The following KCNMA1 variants were observed in gnomAD, a reference collection of about 807,000 sequenced individuals.
The protein encoded by KCNMA1 is Calcium-activated potassium channel subunit alpha-1.
A neutral mutation model predicts 140.0 loss-of-function variants in KCNMA1; 29 were observed. That is an observed-to-expected ratio of 0.21 (90% CI 0.15 to 0.28). The LOEUF (loss-of-function observed/expected upper bound fraction) is 0.28, where lower values mean the gene tolerates loss of function less well. Ranked by LOEUF, KCNMA1 falls within the 10% of genes least tolerant of loss-of-function variation. The pLI, the probability that KCNMA1 is intolerant of heterozygous loss-of-function variation, is 1.00. For synonymous variants in KCNMA1, 612 were observed against 611.9 expected (o/e 1.00, Z 0.00); for missense variants, 880 against 1,602.2 (o/e 0.55, Z 7.70).
At chr10:77,149,102 C>T (rs1228888296) in intron 5 of KCNMA1, among the ~76,000 whole-genome samples, 1 of 152,208 alleles carries the variant, frequency 6.6e-6, no homozygotes, top group East Asian at 1.9e-4. Flanking sequence ...TGGGTATAAT[C>T]CATCGTGCCT....
chr10:77,439,696 C>T (rs982064778), intron 1 of KCNMA1, among the ~76,000 whole-genome samples: 2 of 152,166 alleles, frequency 1.3e-5, no homozygotes, highest in Non-Finnish European at 1.5e-5. Context: ...TACCTATCTT[C>T]GGAGCCCTTT....
chr10:76,928,684 C>G (rs1487637261), intron 23 of KCNMA1, among the ~76,000 whole-genome samples: 2 of 152,112 alleles, frequency 1.3e-5, no homozygotes, highest in Non-Finnish European at 2.9e-5. Flanking sequence ...CCCTCTTATT[C>G]CTACATACAG....
At chr10:76,954,545 C>T (rs2067466160) in intron 20 of KCNMA1, among the ~76,000 whole-genome samples, 1 of 152,214 alleles carries the variant, frequency 6.6e-6, no homozygotes, top group Non-Finnish European at 1.5e-5. Flanking sequence ...GATTCAGCAG[C>T]ATGTCACTTC....
At chr10:77,161,471 C>T (rs897935145) in intron 5 of KCNMA1, among the ~76,000 whole-genome samples, 13 of 152,110 alleles carry the variant, frequency 8.5e-5, no homozygotes, top group Non-Finnish European at 1.3e-4. Context: ...TCTTCAACCC[C>T]TGGGCTCAAG....
intron 2 of KCNMA1, among the ~76,000 whole-genome samples, chr10:77,343,060 T>A (rs1163624803): frequency 6.6e-6 from 1 of 152,108 alleles, no homozygotes; most frequent in African/African-American, 2.4e-5. Context: ...GATTTATGTC[T>A]CCTGGGCTTA....
chr10:76,919,254 C>T (rs1240370988), intron 23 of KCNMA1, among the ~76,000 whole-genome samples: 2 of 152,100 alleles, frequency 1.3e-5, no homozygotes, highest in Non-Finnish European at 2.9e-5. Flanking sequence ...CAGATCACCA[C>T]TAAAGAACTT....
At chr10:77,126,595 T>C (rs561018441) in intron 5 of KCNMA1, among the ~76,000 whole-genome samples, 59 of 152,276 alleles carry the variant, frequency 3.9e-4, no homozygotes, top group African/African-American at 1.3e-3. Flanking sequence ...ACCTTATTTG[T>C]CCTGGGCTCT....
chr10:76,988,576 C>G (rs868386334), intron 19 of KCNMA1, among the ~76,000 whole-genome samples: 46 of 152,210 alleles, frequency 3.0e-4, no homozygotes, highest in Admixed American at 1.6e-3. Context: ...TCAAGACCAT[C>G]ATCAAAAAAG....
At chr10:77,115,862 T>C (rs2097449607) in intron 6 of KCNMA1, among the ~76,000 whole-genome samples, 1 of 152,198 alleles carries the variant, frequency 6.6e-6, no homozygotes, top group Non-Finnish European at 1.5e-5. Context: ...AATGAAACTG[T>C]ATGACCACAC....
chr10:76,994,671 C>T (rs141073918), intron 19 of KCNMA1, among the ~76,000 whole-genome samples: 27 of 152,352 alleles, frequency 1.8e-4, no homozygotes, highest in African/African-American at 6.0e-4. Context: ...TGAGCATGAC[C>T]TGCTTATGAT....
intron 1 of KCNMA1, among the ~76,000 whole-genome samples, chr10:77,550,817 G>A (rs1394205479): frequency 6.6e-6 from 1 of 152,148 alleles, no homozygotes; most frequent in Non-Finnish European, 1.5e-5. Context: ...GTCCAGGTGG[G>A]GGGCTATTTT....
At chr10:77,336,793 C>T (rs2089215732) in intron 2 of KCNMA1, among the ~76,000 whole-genome samples, 1 of 152,172 alleles carries the variant, frequency 6.6e-6, no homozygotes, top group Admixed American at 6.6e-5. Context: ...ACTAAGCAGA[C>T]CAGGCTGATG....
At chr10:77,344,078 C>T (rs1442423007) in intron 2 of KCNMA1, among the ~76,000 whole-genome samples, 1 of 152,246 alleles carries the variant, frequency 6.6e-6, no homozygotes, top group East Asian at 1.9e-4. Flanking sequence ...CATCCCCTGC[C>T]CCAGCCCAGA....
chr10:77,637,551 G>A lies in KCNMA1; in HGVS notation c.92C>T (p.Ala31Val), dbSNP rs201551432. The A allele has an allele frequency of 2.6e-6, 4 of 1,543,464 alleles. No homozygotes were observed. Among genetic ancestry groups the A allele is most frequent in the Non-Finnish European group, 8.8e-7 (1 of 1,142,440 alleles). ...GGACGCGTCTAGGCTGAGATGGTTC[G>A]CGTGGATATTGCTACTCATTCTAAG... The part of the protein sequence containing the change: ...SSLRMSSNIH[A>V]NHLSLDASSS... The change falls in exon 1 of 28, where the codon GCG (alanine) becomes GTG (valine). Residue 31 changes from alanine (A) to valine (V), a missense_variant. Transcript: ENST00000286628.
chr10:77,324,940 ACTCTCTCT>A (rs3068755), intron 2 of KCNMA1, among the ~76,000 whole-genome samples: 4,996 of 93,360 alleles, frequency 0.054, 129 homozygotes, highest in South Asian at 0.094. Flanking sequence ...ATAGCTCTAG[ACTCTCTCT>A]CTCTCTCTCT....
chr10:77,455,318 C>T (rs2097741824), intron 1 of KCNMA1, among the ~76,000 whole-genome samples: 1 of 152,082 alleles, frequency 6.6e-6, no homozygotes, highest in South Asian at 2.1e-4. Context: ...GGAACTCGAA[C>T]CCAGGACTCC....
intron 1 of KCNMA1, among the ~76,000 whole-genome samples, chr10:77,624,292 A>G (rs886958897): frequency 6.6e-6 from 1 of 152,218 alleles, no homozygotes; most frequent in African/African-American, 2.4e-5. Flanking sequence ...ATAGTCTATA[A>G]TCTAAGATGT....
chr10:77,565,969 G>A (rs560426672), intron 1 of KCNMA1, among the ~76,000 whole-genome samples: 3 of 152,160 alleles, frequency 2.0e-5, no homozygotes, highest in African/African-American at 7.2e-5. Context: ...CATCAGAAAT[G>A]CAAAGGCAGT....
At chr10:76,892,425 G>T (rs553776396) in intron 25 of KCNMA1, among the ~76,000 whole-genome samples, 252 of 152,222 alleles carry the variant, frequency 1.7e-3, no homozygotes, top group African/African-American at 5.7e-3. Flanking sequence ...AGGAACAAAA[G>T]AATGGGAGTT....
Sources: allele counts gnomAD v4.1 joint callset (sites outside exome capture counted in the v4.1 genomes callset), GRCh38; gene constraint gnomAD v4.1.1; transcripts MANE v1.5; gene names NCBI Gene and HGNC (gene_info 2026-07-23, HGNC 2026-07-21).